The following BACH2 variants were observed in gnomAD, a reference collection of about 807,000 sequenced individuals.
BACH2 encodes the protein BACH transcriptional regulator 2.
BACH2 carries 5 observed loss-of-function variants against 61.8 expected under a neutral mutation model. The ratio of observed to expected loss-of-function variants is 0.08; its 90% CI spans 0.04 to 0.17. BACH2 has a LOEUF of 0.17. Ranked by LOEUF, BACH2 falls within the 10% of genes least tolerant of loss-of-function variation. The probability of loss-of-function intolerance (pLI) is 1.00; values close to 1 mark genes in which losing one functional copy is unlikely to be tolerated. For missense variants in BACH2, 824 were observed against 1,091.1 expected, an observed-to-expected ratio of 0.76 and a Z score of 3.45; for synonymous variants, 446 against 440.1, an observed-to-expected ratio of 1.01 and a Z score of -0.17.
intron 6 of BACH2, among the ~76,000 whole-genome samples, chr6:89,990,856 C>T (rs183880892): frequency 1.3e-5 from 2 of 152,340 alleles, no homozygotes; most frequent in Admixed American, 1.3e-4. Context: ...AGAGTTTTGC[C>T]TGTTTTGTAT....
chr6:90,007,087 T>A (rs966097544), intron 6 of BACH2, among the ~76,000 whole-genome samples: 11 of 151,884 alleles, frequency 7.2e-5, no homozygotes, highest in East Asian at 3.9e-4. Flanking sequence ...TATTATTATT[T>A]TTTTTGAGAC....
intron 4 of BACH2, among the ~76,000 whole-genome samples, chr6:90,204,135 C>T (rs2127848688): frequency 1.3e-5 from 2 of 152,248 alleles, no homozygotes; most frequent in South Asian, 2.1e-4. Context: ...AACGCCAGGG[C>T]CACCCTCCAT....
At chr6:90,017,910 G>A (rs1470185688) in intron 5 of BACH2, among the ~76,000 whole-genome samples, 1 of 152,114 alleles carries the variant, frequency 6.6e-6, no homozygotes, top group Non-Finnish European at 1.5e-5. Flanking sequence ...GGATATTTTT[G>A]TGTTCCCATA....
intron 1 of BACH2, among the ~76,000 whole-genome samples, chr6:90,289,771 G>T (rs1223612881): frequency 6.6e-6 from 1 of 152,180 alleles, no homozygotes; most frequent in Non-Finnish European, 1.5e-5. Context: ...AATAATCTTC[G>T]GGCCACAGAG....
intron 6 of BACH2, among the ~76,000 whole-genome samples, chr6:89,971,338 G>A (rs558910417): frequency 6.6e-6 from 1 of 152,262 alleles, no homozygotes; most frequent in Admixed American, 6.5e-5. Flanking sequence ...GTCACTGGTG[G>A]GCACCTTTTC....
At chr6:90,224,015 A>C (rs1769829364) in intron 3 of BACH2, among the ~76,000 whole-genome samples, 1 of 152,222 alleles carries the variant, frequency 6.6e-6, no homozygotes, top group Non-Finnish European at 1.5e-5. Context: ...TTTGCACTGG[A>C]ATTTACAATG....
Position 89,950,861 on chromosome 6 carries a change from C to T in BACH2, c.1245G>A (p.Gly415=). Residue 415 remains glycine, a synonymous_variant, in exon 7 of 9, where the codon GGG becomes GGA. Transcript: ENST00000257749. This position sits in a 1 kb window ranked among gnomAD's most constrained non-coding sequence, Gnocchi z 5.3. ...FTMGSPLRGP[G]LEALCKQEGE... ...CCTCCTGTTTACAGAGAGCCTCCAA[C>T]CCAGGCCCCCTGAGGGGCGACCCCA... The T allele has an allele frequency of 6.2e-7, 1 of 1,612,042 alleles. No individual in the cohort carries two copies. Among genetic ancestry groups the T allele is most frequent in the Non-Finnish European group, 8.5e-7 (1 of 1,178,808 alleles).
chr6:90,122,974 A>G lies in BACH2; in HGVS notation c.-161-33865T>C, dbSNP rs551696867. Among the ~76,000 whole-genome samples the G allele has an allele frequency of 2.6e-5, 4 of 152,360 alleles. No individual in the cohort carries two copies. The South Asian group carries it at 8.3e-4, about 32-fold the overall frequency. ...CTAGAATGTTTTGCTTAACTTCAAA[A>G]CTGTTGTTGAATAGTTTAGAAGGAG... On this transcript the variant is annotated intron_variant, in intron 4 of 8. Coordinates refer to ENST00000257749, the MANE Select transcript of BACH2 (RefSeq NM_021813.4).
rs537938175 is a variant in BACH2, at chr6:90,222,214, T to C, written c.-274-15533A>G. ...ACAGCCACCTGTGGCTAGTGACTAT[T>C]ATATTTGGAAAGCACAGGTTTAGCC... On this transcript the variant is annotated intron_variant, in intron 3 of 8. Transcript: ENST00000257749. Among the ~76,000 whole-genome samples the C allele has an allele frequency of 6.6e-5, 10 of 152,336 alleles. No individual in the cohort carries two copies. The East Asian group carries it at 1.9e-3, about 29-fold the overall frequency.
intron 3 of BACH2, among the ~76,000 whole-genome samples, chr6:90,221,939 T>G (rs1769747877): frequency 6.6e-6 from 1 of 152,152 alleles, no homozygotes; most frequent in South Asian, 2.1e-4. Flanking sequence ...CTTAGACCAG[T>G]GCTGGCCAAC....
chr6:90,211,396 G>A (rs950690946), intron 3 of BACH2, among the ~76,000 whole-genome samples: 2 of 151,996 alleles, frequency 1.3e-5, no homozygotes, highest in African/African-American at 4.8e-5. Context: ...TTGGGTGTCA[G>A]CAAATGGGAG....
chr6:90,026,175 G>A (rs141024052), intron 5 of BACH2, among the ~76,000 whole-genome samples: 145 of 152,264 alleles, frequency 9.5e-4, no homozygotes, highest in Non-Finnish European at 1.7e-3. Flanking sequence ...TTCAACTTTA[G>A]CATTTCTGTC....
chr6:89,937,630 A>G (rs1773107748), intron 8 of BACH2, among the ~76,000 whole-genome samples: 1 of 152,128 alleles, frequency 6.6e-6, no homozygotes, highest in African/African-American at 2.4e-5. Flanking sequence ...CCCCTGCTCA[A>G]GTGATTATCC....
chr6:90,235,228 G>A (rs1169812693), intron 3 of BACH2, among the ~76,000 whole-genome samples: 2 of 152,168 alleles, frequency 1.3e-5, no homozygotes, highest in African/African-American at 2.4e-5. Context: ...AGGAAGATTA[G>A]TGTGTGGTTA....
At chr6:89,948,651 G>A (rs1007993508) in intron 7 of BACH2, among the ~76,000 whole-genome samples, 5 of 152,126 alleles carry the variant, frequency 3.3e-5, no homozygotes, top group Non-Finnish European at 5.9e-5. Flanking sequence ...GCTCATTCAC[G>A]GTTTCAGAAC....
intron 5 of BACH2, among the ~76,000 whole-genome samples, chr6:90,062,195 C>T (rs1364351431): frequency 6.6e-6 from 1 of 152,156 alleles, no homozygotes; most frequent in Admixed American, 6.5e-5. Context: ...ATCATATGAC[C>T]TACAAGACAG....
intron 5 of BACH2, among the ~76,000 whole-genome samples, chr6:90,038,984 G>A (rs1234477478): frequency 6.6e-6 from 1 of 150,868 alleles, no homozygotes; most frequent in Non-Finnish European, 1.5e-5. Context: ...AGGTTGCAGT[G>A]AGCTGAGATT....
intron 4 of BACH2, among the ~76,000 whole-genome samples, chr6:90,095,158 G>A (rs1582349234): frequency 6.6e-6 from 1 of 152,066 alleles, no homozygotes; most frequent in East Asian, 1.9e-4. Context: ...CCATTTTATG[G>A]CTGAAGGGGT....
chr6:90,069,052 A>T (rs147929331), intron 5 of BACH2, among the ~76,000 whole-genome samples: 4 of 152,090 alleles, frequency 2.6e-5, no homozygotes, highest in Non-Finnish European at 5.9e-5. Context: ...TGTTACTCCC[A>T]CATTTACTGA....
Sources: allele counts gnomAD v4.1 joint callset (sites outside exome capture counted in the v4.1 genomes callset), GRCh38; gene constraint gnomAD v4.1.1; non-coding constraint Gnocchi (gnomAD v3.1); transcripts MANE v1.5; gene names NCBI Gene and HGNC (gene_info 2026-07-23, HGNC 2026-07-21).